EFHD1: variants seen among roughly 807,000 people sequenced by gnomAD.
EFHD1 encodes the protein EF-hand domain-containing protein D1.
In EFHD1, 10 loss-of-function variants were observed where a neutral mutation model predicts 17.2. The ratio of observed to expected loss-of-function variants is 0.58; its 90% CI spans 0.36 to 0.99. The LOEUF (loss-of-function observed/expected upper bound fraction) is 0.99, where lower values mean the gene tolerates loss of function less well. Ranked by LOEUF, EFHD1 falls within the 50% of genes least tolerant of loss-of-function variation. The probability of loss-of-function intolerance (pLI) is 0.01; values close to 1 mark genes in which losing one functional copy is unlikely to be tolerated. For synonymous variants in EFHD1, 153 were observed against 142.0 expected, an observed-to-expected ratio of 1.08 and a Z score of -0.55; for missense variants, 310 against 327.5, an observed-to-expected ratio of 0.95 and a Z score of 0.41.
chr2:232,622,171 A>G (rs1230333974), intron 1 of EFHD1, among the ~76,000 whole-genome samples: 2 of 152,218 alleles, frequency 1.3e-5, no homozygotes, highest in African/African-American at 2.4e-5. Flanking sequence ...GACTTGAACA[A>G]TAAAAGACAT....
intron 1 of EFHD1, 98 bp from the exon 2 acceptor site, chr2:232,662,704 T>C (rs1694895781): frequency 6.7e-7 from 1 of 1,503,316 alleles, no homozygotes; most frequent in Non-Finnish European, 8.9e-7. Flanking sequence ...CGGGAGGTAT[T>C]TGAGTCATTT....
At chr2:232,673,103 C>T (rs16829399) in intron 3 of EFHD1, among the ~76,000 whole-genome samples, 2,526 of 152,262 alleles carry the variant, frequency 0.017, 29 homozygotes, top group Middle Eastern at 0.034. Context: ...AGCTGGGCAC[C>T]GCATTGAGCT....
chr2:232,648,192 G>A (rs1694569247), intron 1 of EFHD1, among the ~76,000 whole-genome samples: 1 of 152,178 alleles, frequency 6.6e-6, no homozygotes, highest in Non-Finnish European at 1.5e-5. Flanking sequence ...CAGTGAGCTA[G>A]TATCACACTC....
intron 1 of EFHD1, among the ~76,000 whole-genome samples, chr2:232,607,155 C>T (rs1257185192): frequency 2.0e-5 from 3 of 151,890 alleles, no homozygotes; most frequent in Non-Finnish European, 4.4e-5. Flanking sequence ...CCACGTCTGG[C>T]CCATTTTATT....
At chr2:232,633,513 C>A (rs1325476175), upstream of EFHD1, 1 of 1,267,284 alleles carries the variant, frequency 7.9e-7, no homozygotes, top group Non-Finnish European at 9.9e-7. Context: ...TGAGCCCTGG[C>A]GCCTCCTTAA....
At chr2:232,621,832 T>G (rs1376012477) in intron 1 of EFHD1, among the ~76,000 whole-genome samples, 1 of 152,150 alleles carries the variant, frequency 6.6e-6, no homozygotes, top group African/African-American at 2.4e-5. Flanking sequence ...TCATATAGCC[T>G]CTGAGTGACA....
intron 1 of EFHD1, among the ~76,000 whole-genome samples, chr2:232,653,456 A>G (rs1430366359): frequency 2.0e-5 from 3 of 151,940 alleles, no homozygotes; most frequent in Non-Finnish European, 4.4e-5. Flanking sequence ...AGGTCCAGCT[A>G]ATTTTTGTAT....
chr2:232,666,307 A>G (rs1416502297), intron 2 of EFHD1, among the ~76,000 whole-genome samples: 2 of 152,148 alleles, frequency 1.3e-5, no homozygotes, highest in African/African-American at 4.8e-5. Context: ...GGCCTGCCCT[A>G]TCACCACCAC....
intron 1 of EFHD1, among the ~76,000 whole-genome samples, chr2:232,614,431 T>C (rs1693880502): frequency 6.6e-6 from 1 of 152,176 alleles, no homozygotes; most frequent in Admixed American, 6.5e-5. Flanking sequence ...ATGAAGACCT[T>C]TACAATGATC....
upstream of EFHD1, among the ~76,000 whole-genome samples, chr2:232,632,532 G>GT (rs1435893075): frequency 2.0e-5 from 3 of 152,196 alleles, no homozygotes; most frequent in Non-Finnish European, 2.9e-5. Flanking sequence ...AATGACGACT[G>GT]TATTTGTTTT....
intron 1 of EFHD1, among the ~76,000 whole-genome samples, chr2:232,619,030 T>C (rs1458440542): frequency 6.6e-6 from 1 of 151,632 alleles, no homozygotes; most frequent in African/African-American, 2.4e-5. Context: ...GCATCTGTAA[T>C]CCCAGCTACT....
intron 1 of EFHD1, among the ~76,000 whole-genome samples, chr2:232,607,036 G>A (rs1160425136): frequency 1.3e-5 from 2 of 149,946 alleles, no homozygotes; most frequent in South Asian, 2.1e-4. Context: ...TGGCTCTGTC[G>A]CCCAGGCTGC....
At chr2:232,614,029 CACAA>C (rs1372543081) in intron 1 of EFHD1, among the ~76,000 whole-genome samples, 6 of 134,264 alleles carry the variant, frequency 4.5e-5, no homozygotes, top group African/African-American at 8.0e-5. Context: ...CAAATACACA[CACAA>C]ACATACACAA....
intron 1 of EFHD1, among the ~76,000 whole-genome samples, chr2:232,639,541 T>A (rs1474902669): frequency 1.3e-5 from 2 of 152,170 alleles, no homozygotes; most frequent in African/African-American, 4.8e-5. Flanking sequence ...CCAAACTAAC[T>A]TTATACCCTC....
rs1694077271 is a variant in EFHD1, at chr2:232,624,715, C to G, written c.14+18542C>G. 4.6e-5 allele frequency among the ~76,000 whole-genome samples: 7 copies of G among 152,306 alleles called. No individual in the cohort carries two copies. The South Asian group carries it at 1.5e-3, about 32-fold the overall frequency. On this transcript the variant is annotated intron_variant, in intron 1 of 3. Transcript: ENST00000409613. ...TGAAACTTGCCCTTGAGGAGACATC[C>G]CTGGAGGAAAGGTGAAGTCATTGAG...
At chr2:232,622,045 C>T (rs1395679639) in intron 1 of EFHD1, among the ~76,000 whole-genome samples, 1 of 152,238 alleles carries the variant, frequency 6.6e-6, no homozygotes, top group African/African-American at 2.4e-5. Flanking sequence ...TTAAGAAATG[C>T]TCCCGTCAGC....
intron 1 of EFHD1, among the ~76,000 whole-genome samples, chr2:232,626,200 G>GA (rs1559339744): frequency 6.6e-6 from 1 of 151,100 alleles, no homozygotes; most frequent in Non-Finnish European, 1.5e-5. Context: ...TCCAAAAAAA[G>GA]AAAAAAATAT....
upstream of EFHD1, among the ~76,000 whole-genome samples, chr2:232,632,044 T>C (rs1415911558): frequency 6.6e-6 from 1 of 151,272 alleles, no homozygotes; most frequent in Non-Finnish European, 1.5e-5. Flanking sequence ...TTAAAAAAAG[T>C]TTAATTACAC....
At chr2:232,606,314 C>A (rs2106269275) in intron 1 of EFHD1, 2 of 1,022,244 alleles carry the variant, frequency 2.0e-6, no homozygotes, top group Non-Finnish European at 3.0e-6. Flanking sequence ...CCCTCGCTTC[C>A]CTGCCCCGCG....
Sources: gnomAD v4.1 joint callset for allele counts (sites outside exome capture counted in the v4.1 genomes callset) on GRCh38, gnomAD v4.1.1 for gene constraint, MANE v1.5 for transcripts, NCBI Gene and HGNC (gene_info 2026-07-23, HGNC 2026-07-21) for gene names.